The following ABCC5 variants were observed in gnomAD, a reference collection of about 807,000 sequenced individuals.
ABCC5 encodes the protein ATP-binding cassette sub-family C member 5.
In ABCC5, 61 loss-of-function variants were observed where a neutral mutation model predicts 160.9. That is an observed-to-expected ratio of 0.38 (90% CI 0.31 to 0.47). ABCC5 has a LOEUF of 0.47. Among genes scored for constraint, ABCC5 ranks in the 20% least tolerant of loss-of-function variants. ABCC5 has a pLI of 0.99. For missense variants in ABCC5, 1,308 were observed against 1,813.3 expected (o/e 0.72, Z 5.06); for synonymous variants, 666 against 700.6 (o/e 0.95, Z 0.78).
chr3:183,944,409 TA>T (rs1239593018), intron 24 of ABCC5, among the ~76,000 whole-genome samples: 1 of 150,732 alleles, frequency 6.6e-6, no homozygotes, highest in Non-Finnish European at 1.5e-5. Context: ...AATAAAAAAA[TA>T]AAAAATAAAT....
chr3:183,928,430 G>A (rs895894538), intron 27 of ABCC5, among the ~76,000 whole-genome samples: 22 of 152,146 alleles, frequency 1.4e-4, no homozygotes, highest in Admixed American at 2.6e-4. Flanking sequence ...TATCTTTTGC[G>A]TATATGTGGA....
chr3:183,984,672 T>G, intron 5 of ABCC5: 2 of 1,460,148 alleles, frequency 1.4e-6, no homozygotes, highest in Non-Finnish European at 1.8e-6. Flanking sequence ...CCCTCAGATT[T>G]TTAGGTTTAT....
At chr3:184,012,547 T>C (rs1721844353) in intron 2 of ABCC5, among the ~76,000 whole-genome samples, 1 of 152,258 alleles carries the variant, frequency 6.6e-6, no homozygotes, top group Non-Finnish European at 1.5e-5. Flanking sequence ...TCACACGCTC[T>C]TTCCATACCT....
At chr3:183,943,765 G>T (rs1006001674) in intron 24 of ABCC5, among the ~76,000 whole-genome samples, 10 of 152,078 alleles carry the variant, frequency 6.6e-5, no homozygotes, top group Non-Finnish European at 1.5e-5. Context: ...TTTCAGCAGG[G>T]TCCACTTTGT....
intron 27 of ABCC5, among the ~76,000 whole-genome samples, chr3:183,928,445 T>C (rs1176174337): frequency 7.9e-5 from 12 of 152,202 alleles, no homozygotes; most frequent in Non-Finnish European, 1.6e-4. Context: ...TGTGGACGCT[T>C]CAAAGTATGT....
intron 20 of ABCC5, among the ~76,000 whole-genome samples, chr3:183,950,662 T>A (rs1035611802): frequency 6.6e-6 from 1 of 152,264 alleles, no homozygotes; most frequent in Non-Finnish European, 1.5e-5. Context: ...TTTACTTTTT[T>A]TCTTTTTTCC....
intron 2 of ABCC5, among the ~76,000 whole-genome samples, chr3:183,996,266 G>A (rs1040022764): frequency 9.2e-5 from 14 of 152,042 alleles, no homozygotes; most frequent in Admixed American, 2.0e-4. Context: ...ATAACTTACC[G>A]AGTGCCTCCG....
chr3:183,957,554 G>T (rs866110261), intron 17 of ABCC5, among the ~76,000 whole-genome samples: 4 of 87,420 alleles, frequency 4.6e-5, no homozygotes, highest in East Asian at 3.4e-4. Context: ...AGTTACATGC[G>T]GATCCGTGTG....
chr3:183,964,350 A>C (rs1259969028), intron 14 of ABCC5, among the ~76,000 whole-genome samples: 1 of 152,258 alleles, frequency 6.6e-6, no homozygotes, highest in Admixed American at 6.5e-5. Flanking sequence ...CATAATAAAC[A>C]CCTAATAAAT....
intron 29 of ABCC5, among the ~76,000 whole-genome samples, chr3:183,923,992 A>G (rs370536865): frequency 1.0e-5 from 1 of 96,282 alleles, no homozygotes; most frequent in South Asian, 3.3e-4. Flanking sequence ...TTTAAATCCC[A>G]CCAATTTTTA....
chr3:183,923,041 GTC>G (rs1387322753), intron 29 of ABCC5, among the ~76,000 whole-genome samples: 1 of 152,188 alleles, frequency 6.6e-6, no homozygotes, highest in Non-Finnish European at 1.5e-5. Context: ...ATCTGTTGGA[GTC>G]TGTGTGTGCA....
Position 183,982,662 on chromosome 3 carries a change from G to C in ABCC5, c.826-38C>G. On this transcript the variant is annotated intron_variant, in intron 6 of 29. Coordinates refer to ENST00000334444, the MANE Select transcript of ABCC5 (RefSeq NM_005688.4). This position sits in a 1 kb window ranked among gnomAD's most constrained non-coding sequence, Gnocchi z 5.2. ...AAGAGTAGTGAGGGGACCCTGCAAG[G>C]ACACGGTTCATTTGTCTCAGGAGGA... is the stretch of plus-strand genomic sequence containing the variant. 1.2e-6 allele frequency: 2 copies of C among 1,610,810 alleles called. No homozygotes were observed. Among genetic ancestry groups the C allele is most frequent in the South Asian group, 1.1e-5 (1 of 90,964 alleles).
intron 2 of ABCC5, among the ~76,000 whole-genome samples, chr3:183,992,824 A>G (rs1009942609): frequency 3.3e-5 from 5 of 152,106 alleles, no homozygotes; most frequent in Non-Finnish European, 7.4e-5. Context: ...TAAAAGAAGA[A>G]AAAGAGAAAA....
At chr3:183,964,665 G>T (rs933289060) in intron 14 of ABCC5, among the ~76,000 whole-genome samples, 2 of 152,166 alleles carry the variant, frequency 1.3e-5, no homozygotes, top group African/African-American at 4.8e-5. Context: ...GCTAAATAAA[G>T]GTGCCAATCC....
intron 2 of ABCC5, among the ~76,000 whole-genome samples, chr3:184,009,521 C>T (rs1358413231): frequency 6.6e-6 from 1 of 152,206 alleles, no homozygotes; most frequent in East Asian, 1.9e-4. Context: ...TTTTCTCAGA[C>T]CACAAAATTT....
In ABCC5 at chr3:183,951,971, C is replaced by T. The variant is rs28365026; in HGVS notation, c.2700G>A (p.Ser900=). 5,725 of 1,612,500 alleles carry T rather than the reference C, an allele frequency of 3.6e-3. 11 individuals carry two copies. The highest frequency in any genetic ancestry group is 4.3e-3 in the Non-Finnish European group (5,061 of 1,178,750). Residue 900 remains serine, a synonymous_variant, in exon 19 of 30, where the codon TCG becomes TCA. Coordinates refer to ENST00000334444, the MANE Select transcript of ABCC5 (RefSeq NM_005688.4). This position sits in a 1 kb window ranked among gnomAD's most constrained non-coding sequence, Gnocchi z 4.7. ...GATTGTCCTTCATGCTGTCACTCAC[C>T]GAGGTCTCGTTCCCTCGAGTCACAG... The part of the protein sequence containing the change: ...NTTVTRGNET[S]VSDSMKDNPH...
rs1037302184 is a variant in ABCC5 at position 183,981,833 on chromosome 3, G to A, written c.1041C>T (p.Cys347=). ...SRLTAYFRRK[C]VAATDERVQK... ...GGACACGTTCATCCGTGGCGGCCAC[G>A]CATTTTCTCCTGAAATATGCTGTGA... Residue 347 remains cysteine (C), a synonymous_variant, in exon 8 of 30, where the codon TGC becomes TGT. Transcript: ENST00000334444. 6.2e-6 allele frequency: 10 copies of A among 1,610,180 alleles called. No homozygotes were observed. The highest frequency in any genetic ancestry group is 2.7e-5 in the African/African-American group (2 of 74,688).
At chr3:183,928,012 G>A (rs987854471) in intron 27 of ABCC5, 17 of 158,872 alleles carry the variant, frequency 1.1e-4, no homozygotes, top group Non-Finnish European at 4.0e-5. Context: ...GCAGCTGCTC[G>A]TGAGGGCCTG....
At chr3:184,006,228 G>A (rs1027301193) in intron 2 of ABCC5, 1 of 150,738 alleles carries the variant, frequency 6.6e-6, no homozygotes, top group African/African-American at 2.4e-5. Context: ...GACCAGATAC[G>A]GTGTCACACC....
Sources: allele counts gnomAD v4.1 joint callset (sites outside exome capture counted in the v4.1 genomes callset), GRCh38; gene constraint gnomAD v4.1.1; non-coding constraint Gnocchi (gnomAD v3.1); transcripts MANE v1.5; gene names NCBI Gene and HGNC (gene_info 2026-07-23, HGNC 2026-07-21).